Variants in ATPAF2 observed in about 807,000 individuals in gnomAD.
ATPAF2 encodes ATP synthase mitochondrial F1 complex assembly factor 2, also known as ATP12 homolog.
A neutral mutation model predicts 36.6 loss-of-function variants in ATPAF2; 30 were observed. The ratio of observed to expected loss-of-function variants is 0.82; its 90% CI spans 0.61 to 1.11. ATPAF2 has a LOEUF of 1.11. Ranked by LOEUF, ATPAF2 falls within the 50% of genes most tolerant of loss-of-function variation. The probability of loss-of-function intolerance (pLI) is 0.00; values close to 1 mark genes in which losing one functional copy is unlikely to be tolerated. For synonymous variants in ATPAF2, 140 were observed against 152.6 expected, an observed-to-expected ratio of 0.92 and a Z score of 0.61; for missense variants, 321 against 372.3, an observed-to-expected ratio of 0.86 and a Z score of 1.13.
In ATPAF2 at chr17:18,018,363, G is replaced by A; in HGVS notation, c.*186C>T. ...TGCTGGCCAGGCCAGGGGCACCTGG[G>A]TTGAAATCAGGCTGACCTCCGGACA... On this transcript the variant is annotated 3_prime_UTR_variant, in exon 8 of 8. Coordinates refer to ENST00000474627, the MANE Select transcript of ATPAF2 (RefSeq NM_145691.4). The A allele has an allele frequency of 5.3e-6, 4 of 756,284 alleles. No homozygotes were observed. Among genetic ancestry groups the A allele is most frequent in the South Asian group, 1.7e-5 (1 of 58,978 alleles). The allele number at this position is 756,284 out of a possible 1,614,324, so 46.8% of individuals were successfully genotyped here.
chr17:18,037,066 C>T (rs566174899), intron 1 of ATPAF2, among the ~76,000 whole-genome samples: 131 of 152,182 alleles, frequency 8.6e-4, no homozygotes, highest in African/African-American at 2.3e-3. Flanking sequence ...TGTAAAACTC[C>T]ATCTCAAAAT....
intron 1 of ATPAF2, 52 bp downstream of exon 1, chr17:18,038,829 C>A (rs2044745585): frequency 1.9e-6 from 3 of 1,606,190 alleles, no homozygotes; most frequent in African/African-American, 2.7e-5. Context: ...AAGCCCGAAG[C>A]CCACCTTACC....
intron 1 of ATPAF2, among the ~76,000 whole-genome samples, chr17:18,033,886 G>C (rs1193678647): frequency 6.6e-6 from 1 of 151,784 alleles, no homozygotes; most frequent in African/African-American, 2.4e-5. Flanking sequence ...TTGGCTGGCT[G>C]AGGCAGGTGG....
At chr17:18,026,529 TC>T in intron 3 of ATPAF2, 113 bp from the exon 4 acceptor site, 2 of 828,056 alleles carry the variant, frequency 2.4e-6, no homozygotes, top group Non-Finnish European at 2.1e-6. Flanking sequence ...AGCACAGCCC[TC>T]CACCAGAGGC....
At chr17:18,037,668 G>A (rs993153205) in intron 1 of ATPAF2, among the ~76,000 whole-genome samples, 2 of 152,148 alleles carry the variant, frequency 1.3e-5, no homozygotes, top group African/African-American at 4.8e-5. Context: ...GTACTTCAAC[G>A]CATGGAGAAA....
chr17:18,030,830 CTTTT>C (rs34365252), intron 1 of ATPAF2, among the ~76,000 whole-genome samples: 1 of 80,084 alleles, frequency 1.2e-5, no homozygotes, highest in Admixed American at 1.6e-4. Flanking sequence ...CCACGCCTGG[CTTTT>C]TTTTTTTTTT....
Position 18,038,979 on chromosome 17 carries a change from C to T in ATPAF2, c.35G>A (p.Gly12Glu), listed in dbSNP as rs149036879. 2,677 of 1,612,348 alleles carry T rather than the reference C, an allele frequency of 1.7e-3. 27 individuals carry two copies. The East Asian group carries it at 0.027, about 16-fold the overall frequency. Reference protein sequence around the residue: ...WRSCLRLRDGGRRLLNRPAGG... With the variant: ...WRSCLRLRDGERRLLNRPAGG... Reference sequence around the variant, plus strand: ...CGCCGGCCGATTCAGGAGACGGCGTCCCCCGTCCCGCAGCCGGAGGCAGCT... The same window carrying T: ...CGCCGGCCGATTCAGGAGACGGCGTTCCCCGTCCCGCAGCCGGAGGCAGCT... Residue 12 changes from glycine to glutamate, a missense_variant, in exon 1 of 8, where the codon GGA becomes GAA. Gly to Glu is a moderately conservative substitution (Grantham distance 98). This residue lies in a region of ATPAF2 where 69 missense variants were observed against 60.1 expected (regional missense o/e 1.15). Transcript: ENST00000474627.
intron 4 of ATPAF2, chr17:18,025,102 CCCTGGGT>C: frequency 2.9e-6 from 1 of 340,462 alleles, no homozygotes; most frequent in Non-Finnish European, 5.7e-6. Context: ...CTAACTGCAA[CCCTGGGT>C]CCACACCCGC....
chr17:18,031,638 G>T (rs866776731), intron 1 of ATPAF2, among the ~76,000 whole-genome samples: 1 of 151,972 alleles, frequency 6.6e-6, no homozygotes, highest in South Asian at 2.1e-4. Context: ...AAATTAGCCG[G>T]GCGTGGTGGC....
chr17:18,021,573 C>A, intron 6 of ATPAF2, 172 bp downstream of exon 6: 1 of 695,670 alleles, frequency 1.4e-6, no homozygotes, highest in South Asian at 1.6e-5. Context: ...AGGTGTGAGC[C>A]TAGAGCGTAG....
chr17:18,032,841 T>TTC (rs1372805482), intron 1 of ATPAF2, among the ~76,000 whole-genome samples: 11 of 151,710 alleles, frequency 7.3e-5, no homozygotes, highest in Admixed American at 5.9e-4. Flanking sequence ...ATTCAATTTT[T>TTC]TTTTTTTTTT....
At chr17:18,016,758 A>C, downstream of ATPAF2, 3 of 761,538 alleles carry the variant, frequency 3.9e-6, no homozygotes, top group Non-Finnish European at 6.5e-6. Flanking sequence ...CCGCACCTCT[A>C]GAGAGTTGCT....
chr17:18,023,092 G>T (rs1006445773), intron 5 of ATPAF2, among the ~76,000 whole-genome samples: 2 of 146,334 alleles, frequency 1.4e-5, no homozygotes, highest in African/African-American at 2.5e-5. Flanking sequence ...TCACGCCACT[G>T]CACTCCAGCC....
Position 18,021,237 on chromosome 17 carries a change from C to T in ATPAF2, c.618G>A (p.Gly206=). The T allele has an allele frequency of 6.2e-7, 1 of 1,612,072 alleles. No homozygotes were observed. The change falls in exon 7 of 8, where the codon GGG becomes GGA. Residue 206 remains glycine, a splice_region_variant and synonymous_variant. Transcript: ENST00000474627. ...TGAGCTGGGCAGCTACAAACTCAATCCCTGCAGGGACACAAGCCAAGTCAG... is the reference window on the plus strand; with the variant it reads ...TGAGCTGGGCAGCTACAAACTCAATTCCTGCAGGGACACAAGCCAAGTCAG... ...LASYNTWALQ[G]IEFVAAQLKS...
intron 3 of ATPAF2, 119 bp downstream of exon 3, chr17:18,028,113 C>T (rs1057074410): frequency 8.0e-7 from 1 of 1,254,626 alleles, no homozygotes; most frequent in Middle Eastern, 2.5e-4. Context: ...AGGTGAATCC[C>T]TGGGGGCCAG....
chr17:18,020,602 AGAG>A (rs2044455327), intron 7 of ATPAF2: 1 of 155,720 alleles, frequency 6.4e-6, no homozygotes, highest in African/African-American at 2.4e-5. Context: ...CAGGCTGCTG[AGAG>A]GAGGTGAGAT....
chr17:18,025,023 T>C (rs2044523965), intron 4 of ATPAF2: 3 of 401,788 alleles, frequency 7.5e-6, no homozygotes, highest in South Asian at 4.3e-5. Flanking sequence ...CTACCCTAAA[T>C]GCCCCCAAAT....
Position 18,021,753 on chromosome 17 carries a change from G to C in ATPAF2, c.608C>G (p.Ala203Gly). The stretch of plus-strand genomic sequence containing the variant: ...AGAAACTCCATACATGCCTTGTAAA[G>C]CCCATGTGTTGTAAGATGCCAGGTG... ...VSHLASYNTW[A>G]LQGIEFVAAQ... The change falls in exon 6 of 8, where the codon GCT (alanine) becomes GGT (glycine). Residue 203 changes from alanine (A) to glycine (G), a missense_variant. Physicochemically the swap from Ala to Gly is moderately conservative, Grantham distance 60 (BLOSUM62 0). Transcript: ENST00000474627. The C allele has an allele frequency of 6.2e-7, 1 of 1,613,850 alleles. No individual in the cohort carries two copies. Among genetic ancestry groups the C allele is most frequent in the African/African-American group, 1.3e-5 (1 of 75,052 alleles).
chr17:18,037,511 G>A (rs1008950355), intron 1 of ATPAF2, among the ~76,000 whole-genome samples: 1 of 152,120 alleles, frequency 6.6e-6, no homozygotes, highest in Non-Finnish European at 1.5e-5. Flanking sequence ...TTGAATCTGG[G>A]AGGCGGAGGT....
Sources: allele counts gnomAD v4.1 joint callset (sites outside exome capture counted in the v4.1 genomes callset), GRCh38; gene constraint gnomAD v4.1.1; regional missense constraint gnomAD v4.1.1; transcripts MANE v1.5; gene names NCBI Gene and HGNC (gene_info 2026-07-23, HGNC 2026-07-21).